The following DAP3 variants were observed in gnomAD, a reference collection of about 807,000 sequenced individuals.
The protein encoded by DAP3 is small ribosomal subunit protein mS29.
DAP3 carries 28 observed loss-of-function variants against 51.9 expected under a neutral mutation model. The observed-to-expected ratio is 0.54, with a 90% CI of 0.40 to 0.74. The LOEUF is 0.74. Ranked by LOEUF, DAP3 falls within the 30% of genes least tolerant of loss-of-function variation. The pLI is 0.00. For missense variants in DAP3, 458 were observed against 483.5 expected, an observed-to-expected ratio of 0.95 and a Z score of 0.49; for synonymous variants, 170 against 170.3, an observed-to-expected ratio of 1.00 and a Z score of 0.01.
At chr1:155,713,622 G>A (rs1466277541) in intron 2 of DAP3, among the ~76,000 whole-genome samples, 19 of 152,106 alleles carry the variant, frequency 1.2e-4, no homozygotes, top group Non-Finnish European at 2.9e-5. Context: ...CTTTTCTTCC[G>A]AGCGTGTAGC....
chr1:155,724,297 T>C (rs1365682395), intron 4 of DAP3, among the ~76,000 whole-genome samples: 1 of 152,112 alleles, frequency 6.6e-6, no homozygotes, highest in Admixed American at 6.6e-5. Context: ...TGAGCCGCCA[T>C]GTATTTAGTT....
At chr1:155,733,209 G>A (rs1179403596) in intron 11 of DAP3, among the ~76,000 whole-genome samples, 1 of 152,222 alleles carries the variant, frequency 6.6e-6, no homozygotes, top group Non-Finnish European at 1.5e-5. Context: ...ACATGTCTGA[G>A]TGAGTGCATC....
intron 7 of DAP3, among the ~76,000 whole-genome samples, chr1:155,728,310 T>C (rs1236979461): frequency 6.6e-6 from 1 of 152,118 alleles, no homozygotes; most frequent in Non-Finnish European, 1.5e-5. Context: ...ACCTGTAATG[T>C]CAGCACTTTG....
chr1:155,730,105 T>C (rs1429730189), intron 9 of DAP3, among the ~76,000 whole-genome samples: 1 of 136,660 alleles, frequency 7.3e-6, no homozygotes, highest in Non-Finnish European at 1.5e-5. Context: ...TATACACACA[T>C]ATATTCATAT....
chr1:155,727,681 A>G lies in DAP3; in HGVS notation c.546A>G (p.Leu182=). 1 of 1,613,902 alleles carries G rather than the reference A, an allele frequency of 6.2e-7. No individual in the cohort carries two copies. ...ACAAACAGCGCTTTGATCAACCTTT[A>G]GAGGCTTCAACCTGGCTGAAGAATT... is the stretch of plus-strand genomic sequence containing the variant. The part of the protein sequence containing the change: ...SYNKQRFDQP[L]EASTWLKNFK... Residue 182 remains leucine (L), a synonymous_variant, in exon 7 of 13, where the codon TTA becomes TTG. Transcript: ENST00000368336.
Position 155,725,915 on chromosome 1 carries a change from CA to C in DAP3, c.380-11del. 6.2e-7 allele frequency: 1 copy of C among 1,610,980 alleles called. No individual in the cohort carries two copies. The highest frequency in any genetic ancestry group is 2.2e-5 in the East Asian group (1 of 44,846). ...CTTCCAGTCATGTTTTCTTTAACAA[CA>C]TATACTTTAGATGGAGAGAAGGGAA... On this transcript the variant is annotated splice_polypyrimidine_tract_variant and intron_variant, in intron 5 of 12. Transcript: ENST00000368336.
At chr1:155,700,792 G>A (rs577262392) in intron 1 of DAP3, among the ~76,000 whole-genome samples, 2 of 135,754 alleles carry the variant, frequency 1.5e-5, no homozygotes, top group African/African-American at 5.6e-5. Flanking sequence ...GGGAGGTGAG[G>A]GGTGCCTCTG....
At chr1:155,723,534 G>C (rs1051270456) in intron 4 of DAP3, among the ~76,000 whole-genome samples, 1 of 151,838 alleles carries the variant, frequency 6.6e-6, no homozygotes, top group East Asian at 1.9e-4. Context: ...TTGCCATATT[G>C]GCCAGGCTGG....
At chr1:155,688,674 C>A, upstream of DAP3, 1 of 1,532,268 alleles carries the variant, frequency 6.5e-7, no homozygotes, top group South Asian at 1.2e-5. Flanking sequence ...GCGGCGCGAG[C>A]CCAAGCCTTC....
chr1:155,732,233 CTTTT>C (rs202209826), intron 11 of DAP3, 200 bp downstream of exon 11: 9 of 276,118 alleles, frequency 3.3e-5, no homozygotes, highest in Non-Finnish European at 3.9e-5. Flanking sequence ...AGTTTCTTTT[CTTTT>C]TTTTTTTTTT....
rs916453626 is a variant in DAP3 at position 155,731,257 on chromosome 1, ACT to A, written c.844-96_844-95del. 13 of 1,186,550 alleles carry A rather than the reference ACT, an allele frequency of 1.1e-5. No homozygotes were observed. The African/African-American group carries it at 1.4e-4, about 13-fold the overall frequency. The allele number at this position is 1,186,550 out of a possible 1,614,324, so 73.5% of individuals were successfully genotyped here. A position where few individuals can be genotyped will look rare whatever the true frequency, so the allele number is the denominator to read the frequency against. ...ACTCCAGCCTGGGCGACAGAGCGAG[ACT>A]CTGTCAAAAAAAAAAAAAAATTGTT... On this transcript the variant is annotated intron_variant, in intron 9 of 12. Coordinates refer to ENST00000368336, the MANE Select transcript of DAP3 (RefSeq NM_004632.4).
intron 1 of DAP3, among the ~76,000 whole-genome samples, chr1:155,697,834 C>T (rs1441583447): frequency 6.6e-6 from 1 of 152,174 alleles, no homozygotes; most frequent in Non-Finnish European, 1.5e-5. Context: ...GAGGGTGCTG[C>T]AGGAGACCAG....
chr1:155,716,332 C>T (rs188590369), intron 2 of DAP3, among the ~76,000 whole-genome samples: 13 of 152,114 alleles, frequency 8.5e-5, no homozygotes, highest in Admixed American at 1.3e-4. Context: ...GAGGCAGAGG[C>T]GGGCGGATCA....
rs199553329 is a variant in DAP3, at chr1:155,711,544, A to AG, written c.45+1722dup. Among the ~76,000 whole-genome samples the AG allele has an allele frequency of 7.6e-3, 1,161 of 151,772 alleles. 19 individuals carry two copies. Among genetic ancestry groups the AG allele is most frequent in the African/African-American group, 0.027 (1,115 of 41,426 alleles). On this transcript the variant is annotated intron_variant, in intron 2 of 12. Transcript: ENST00000368336. ...CTTAATAACAGACAACAAAGACCTG[A>AG]GGCTAGACTGTAGAGTGCTGTTGGT...
intron 1 of DAP3, among the ~76,000 whole-genome samples, chr1:155,698,081 T>G (rs1654754834): frequency 6.6e-6 from 1 of 152,236 alleles, no homozygotes; most frequent in Admixed American, 6.5e-5. Flanking sequence ...AAAATCGTTG[T>G]TATCCTGTTC....
chr1:155,725,926 G>C lies in DAP3; in HGVS notation c.380-1G>C. 6.2e-7 allele frequency: 1 copy of C among 1,613,486 alleles called. No homozygotes were observed. The highest frequency in any genetic ancestry group is 8.5e-7 in the Non-Finnish European group (1 of 1,179,480). On this transcript the variant is annotated splice_acceptor_variant, in intron 5 of 12. Coordinates refer to ENST00000368336, the MANE Select transcript of DAP3 (RefSeq NM_004632.4). LOFTEE classifies it high-confidence loss of function. ...GTTTTCTTTAACAACATATACTTTAGATGGAGAGAAGGGAACAGGAAAAAC... is the reference window on the plus strand; with the variant it reads ...GTTTTCTTTAACAACATATACTTTACATGGAGAGAAGGGAACAGGAAAAAC...
chr1:155,720,905 C>T (rs1304139581), intron 3 of DAP3, among the ~76,000 whole-genome samples: 11 of 151,900 alleles, frequency 7.2e-5, no homozygotes, highest in African/African-American at 2.2e-4. Flanking sequence ...GGCGTGGTGG[C>T]GCGTGCCTGT....
chr1:155,708,229 A>C (rs552904554), intron 1 of DAP3, among the ~76,000 whole-genome samples: 20 of 151,888 alleles, frequency 1.3e-4, no homozygotes, highest in Non-Finnish European at 2.8e-4. Context: ...TTGTATTTTT[A>C]GTAGAGATTG....
At chr1:155,702,147 C>A (rs1052679567) in intron 1 of DAP3, among the ~76,000 whole-genome samples, 1 of 132,264 alleles carries the variant, frequency 7.6e-6, no homozygotes, top group Admixed American at 7.4e-5. Context: ...ATTGATTCTG[C>A]CTATAAAAAA....
Sources: gnomAD v4.1 joint callset for allele counts (sites outside exome capture counted in the v4.1 genomes callset) on GRCh38, gnomAD v4.1.1 for gene constraint, MANE v1.5 for transcripts, NCBI Gene and HGNC (gene_info 2026-07-23, HGNC 2026-07-21) for gene names.